The following ALDH6A1 variants were observed in gnomAD, a reference collection of about 807,000 sequenced individuals.
ALDH6A1 encodes methylmalonate-semialdehyde/malonate-semialdehyde dehydrogenase [acylating], mitochondrial.
A neutral mutation model predicts 62.6 loss-of-function variants in ALDH6A1; 43 were observed. That is an observed-to-expected ratio of 0.69 (90% confidence interval 0.54 to 0.89). The LOEUF (loss-of-function observed/expected upper bound fraction) is 0.89, where lower values mean the gene tolerates loss of function less well. ALDH6A1 is among the 40% of genes least tolerant of loss of function. The pLI is 0.00. For synonymous variants in ALDH6A1, 194 were observed against 234.2 expected (o/e 0.83, Z 1.57); for missense variants, 551 against 661.3 (o/e 0.83, Z 1.83).
At chr14:74,083,373 A>G (rs1194839574) in intron 1 of ALDH6A1, among the ~76,000 whole-genome samples, 1 of 152,206 alleles carries the variant, frequency 6.6e-6, no homozygotes, top group African/African-American at 2.4e-5. Context: ...GGCCATGAAC[A>G]GGGGAAAGAC....
Position 74,072,221 on chromosome 14 carries a change from T to C in ALDH6A1, c.330A>G (p.Gln110=). 2 of 1,614,188 alleles carry C rather than the reference T, an allele frequency of 1.2e-6. No individual in the cohort carries two copies. Residue 110 remains glutamine, a synonymous_variant, in exon 4 of 12, where the codon CAA becomes CAG. Coordinates refer to ENST00000553458, the MANE Select transcript of ALDH6A1 (RefSeq NM_005589.4). ...TTCATACCAAGTTTTCTTTAATAAG[T>C]TGTTGATAGCGGAGCAAGACCTGCT... The part of the protein sequence containing the change: ...SRQQVLLRYQ[Q]LIKENLKEIA...
In ALDH6A1 at chr14:74,074,275, C is replaced by G; in HGVS notation, c.111+680G>C. Among the ~76,000 whole-genome samples the G allele has an allele frequency of 1.4e-5, 2 of 147,874 alleles. 1 individual carries two copies. The highest frequency in any genetic ancestry group is 4.3e-4 in the South Asian group (2 of 4,610). On this transcript the variant is annotated intron_variant, in intron 2 of 11. Transcript: ENST00000553458. The stretch of plus-strand genomic sequence containing the variant: ...TACAGGGGTGAGCCACTGCGCCCGG[C>G]CCCTTTCACTAAATTTTTTTTTTTT...
chr14:74,067,657 T>C, intron 7 of ALDH6A1, 88 bp from the exon 8 acceptor site: 1 of 1,376,054 alleles, frequency 7.3e-7, no homozygotes, highest in Non-Finnish European at 1.0e-6. Flanking sequence ...GTGTGGTGGC[T>C]AATGCCTGTA....
rs2060286519 is a variant in ALDH6A1, at chr14:74,059,257, A to G, written c.*1385T>C. On this transcript the variant is annotated 3_prime_UTR_variant, in exon 12 of 12. Transcript: ENST00000553458. The stretch of plus-strand genomic sequence containing the variant: ...ATTAAACAAATCACTAATTAGAAAT[A>G]CAGGCAAGAGAAAAGAATATATAAA... 2 of 362,052 alleles carry G rather than the reference A, an allele frequency of 5.5e-6. No homozygotes were observed. The highest frequency in any genetic ancestry group is 1.1e-5 in the Non-Finnish European group (2 of 182,272). The allele number at this position is 362,052 out of a possible 1,614,324, so 22.4% of individuals were successfully genotyped here.
chr14:74,076,858 T>C (rs2060618831), intron 1 of ALDH6A1, among the ~76,000 whole-genome samples: 3 of 152,136 alleles, frequency 2.0e-5, no homozygotes, highest in Admixed American at 2.0e-4. Flanking sequence ...CCTATATATA[T>C]GTTATCAAAG....
chr14:74,077,023 A>G (rs2139808611), intron 1 of ALDH6A1, among the ~76,000 whole-genome samples: 1 of 152,342 alleles, frequency 6.6e-6, no homozygotes, highest in East Asian at 1.9e-4. Context: ...TGCCTGCAGC[A>G]CTGCCCAGGA....
intron 5 of ALDH6A1, 35 bp downstream of exon 5, chr14:74,071,861 C>T (rs1176338613): frequency 1.0e-5 from 16 of 1,605,644 alleles, no homozygotes; most frequent in African/African-American, 4.0e-5. Context: ...TCCTTTGGTC[C>T]TTCCCAAAAG....
chr14:74,060,595 TAAAG>T lies in ALDH6A1; in HGVS notation c.*43_*46del. On this transcript the variant is annotated 3_prime_UTR_variant, in exon 12 of 12. Coordinates refer to ENST00000553458, the MANE Select transcript of ALDH6A1 (RefSeq NM_005589.4). ...GCTGACAAATGAAGCTGGTCAAAAA[TAAAG>T]GGAGATTACTCAGGATGGAGTCAGT... 1 of 1,328,808 alleles carries T rather than the reference TAAAG, an allele frequency of 7.5e-7. No individual in the cohort carries two copies. Among genetic ancestry groups the T allele is most frequent in the Non-Finnish European group, 1.1e-6 (1 of 919,926 alleles). 82.3% of individuals were successfully genotyped at this position (1,328,808 alleles called of 1,614,324 possible).
chr14:74,067,644 CAGGTGTGG>C (rs1314865777), intron 7 of ALDH6A1, 75 bp from the exon 8 acceptor site: 37 of 1,508,794 alleles, frequency 2.5e-5, no homozygotes, highest in Non-Finnish European at 3.3e-5. Flanking sequence ...AGCAGTGGAC[CAGGTGTGG>C]TGGCTAATGC....
At position 74,072,157 on chromosome 14, in the gene ALDH6A1, T is replaced by C. The variant is rs368700677; in HGVS notation, c.348+46A>G. The C allele has an allele frequency of 1.5e-4, 244 of 1,613,432 alleles. No homozygotes were observed. In the Middle Eastern group the frequency reaches 2.8e-3, roughly 19 times the overall value. Reference sequence around the variant, plus strand: ...AAGGTCTCTGTGAGAGTGACAAACATGCCCTAGGTGACAGTTTGGAAAAGC... The same window carrying C: ...AAGGTCTCTGTGAGAGTGACAAACACGCCCTAGGTGACAGTTTGGAAAAGC... On this transcript the variant is annotated intron_variant, in intron 4 of 11. Coordinates refer to ENST00000553458, the MANE Select transcript of ALDH6A1 (RefSeq NM_005589.4).
Position 74,084,443 on chromosome 14 carries a change from G to A in ALDH6A1, c.-49C>T, listed in dbSNP as rs759791211. ...CACCCCGCGCCTCTACTGCCCAGAAGCACTACAGCTGCCAGGCCTCGCCCT... is the reference window on the plus strand; with the variant it reads ...CACCCCGCGCCTCTACTGCCCAGAAACACTACAGCTGCCAGGCCTCGCCCT... On this transcript the variant is annotated 5_prime_UTR_variant, in exon 1 of 12. Transcript: ENST00000553458. The A allele has an allele frequency of 2.4e-5, 39 of 1,606,458 alleles. No homozygotes were observed. The highest frequency in any genetic ancestry group is 3.1e-5 in the Non-Finnish European group (36 of 1,177,838).
Position 74,066,708 on chromosome 14 carries a change from G to T in ALDH6A1, c.1221C>A (p.Val407=). 1 of 1,613,902 alleles carries T rather than the reference G, an allele frequency of 6.2e-7. No individual in the cohort carries two copies. Among genetic ancestry groups the T allele is most frequent in the South Asian group, 1.1e-5 (1 of 91,048 alleles). ...NFVGPTIISN[V]KPNMTCYKEE... The stretch of plus-strand genomic sequence containing the variant: ...TTGTGAAGTGAAAGTTGTTCACCTT[G>T]ACATTCGAGATGATGGTTGGTCCAA... Residue 407 remains valine (V), a synonymous_variant, in exon 9 of 12, where the codon GTC becomes GTA. Transcript: ENST00000553458.
intron 2 of ALDH6A1, 136 bp from the exon 3 acceptor site, chr14:74,072,747 T>A (rs1310727402): frequency 1.2e-5 from 12 of 980,656 alleles, no homozygotes; most frequent in Non-Finnish European, 1.7e-5. Context: ...TCTTTAGAAA[T>A]GTTACCACTA....
chr14:74,080,266 A>G (rs1246472076), intron 1 of ALDH6A1, among the ~76,000 whole-genome samples: 1 of 151,848 alleles, frequency 6.6e-6, no homozygotes, highest in Non-Finnish European at 1.5e-5. Flanking sequence ...ACTCACCTCT[A>G]GCTGTCCTGC....
intron 1 of ALDH6A1, among the ~76,000 whole-genome samples, chr14:74,084,031 G>A (rs2060696815): frequency 6.6e-6 from 1 of 152,100 alleles, no homozygotes; most frequent in South Asian, 2.1e-4. Flanking sequence ...ACGGTGGGCG[G>A]ATGGAGAGAT....
intron 1 of ALDH6A1, among the ~76,000 whole-genome samples, chr14:74,077,771 C>G (rs2060628524): frequency 6.6e-6 from 1 of 152,114 alleles, no homozygotes. Context: ...CAACCATATC[C>G]AAGCCACAGC....
chr14:74,080,117 C>A (rs1381465021), intron 1 of ALDH6A1, among the ~76,000 whole-genome samples: 5 of 152,120 alleles, frequency 3.3e-5, no homozygotes, highest in African/African-American at 1.2e-4. Context: ...CCTCCTATAG[C>A]CCACCTCTCG....
chr14:74,065,552 A>G (rs1051671122), intron 9 of ALDH6A1, 192 bp from the exon 10 acceptor site: 11 of 601,476 alleles, frequency 1.8e-5, no homozygotes, highest in Non-Finnish European at 2.9e-5. Flanking sequence ...CAAGTTACCA[A>G]TCATATAAAC....
Position 74,071,224 on chromosome 14 carries a change from G to A in ALDH6A1, c.701C>T (p.Thr234Ile). 1.1e-5 allele frequency: 17 copies of A among 1,614,178 alleles called. No individual in the cohort carries two copies. Among genetic ancestry groups the A allele is most frequent in the Non-Finnish European group, 1.4e-5 (16 of 1,180,032 alleles). Reference sequence around the variant, plus strand: ...ATGCTGTCCATGGATGATGTTTAATGTTCCATCAGGGGCACCAGAATCCTG... The same window carrying A: ...ATGCTGTCCATGGATGATGTTTAATATTCCATCAGGGGCACCAGAATCCTG... ...LLQDSGAPDGTLNIIHGQHEA... is the reference protein window; with the variant it reads ...LLQDSGAPDGILNIIHGQHEA... Residue 234 changes from threonine (T) to isoleucine (I), a missense_variant, in exon 6 of 12, where the codon ACA becomes ATA. Thr to Ile is a moderately conservative substitution (Grantham distance 89). Coordinates refer to ENST00000553458, the MANE Select transcript of ALDH6A1 (RefSeq NM_005589.4).
Sources: allele counts gnomAD v4.1 joint callset (sites outside exome capture counted in the v4.1 genomes callset), GRCh38; gene constraint gnomAD v4.1.1; transcripts MANE v1.5; gene names NCBI Gene and HGNC (gene_info 2026-07-23, HGNC 2026-07-21).